Variants in BMPR2 observed in about 807,000 individuals in gnomAD.
BMPR2 encodes the protein bone morphogenetic protein receptor type-2.
A neutral mutation model predicts 100.8 loss-of-function variants in BMPR2; 29 were observed. The ratio of observed to expected loss-of-function variants is 0.29; its 90% CI spans 0.21 to 0.39. The LOEUF is 0.39. BMPR2 is among the 10% of genes least tolerant of loss of function. The pLI is 1.00. For missense variants in BMPR2, 1,011 were observed against 1,274.5 expected (o/e 0.79, Z 3.15); for synonymous variants, 382 against 442.3 (o/e 0.86, Z 1.71).
intron 3 of BMPR2, among the ~76,000 whole-genome samples, chr2:202,507,348 AT>A (rs1434187951): frequency 6.6e-6 from 1 of 152,184 alleles, no homozygotes; most frequent in African/African-American, 2.4e-5. Context: ...TGGGAATAAA[AT>A]TCTTTGCATC....
chr2:202,405,235 C>T (rs1181025011), intron 1 of BMPR2, among the ~76,000 whole-genome samples: 1 of 152,120 alleles, frequency 6.6e-6, no homozygotes, highest in East Asian at 1.9e-4. Context: ...AAGTCAGATA[C>T]AGTAATTAGA....
chr2:202,479,276 C>T (rs1387145418), intron 3 of BMPR2, among the ~76,000 whole-genome samples: 1 of 152,150 alleles, frequency 6.6e-6, no homozygotes, highest in Non-Finnish European at 1.5e-5. Flanking sequence ...CATAGTCCAA[C>T]AATTTGTGAA....
chr2:202,516,956 C>T (rs1285323438), intron 5 of BMPR2, among the ~76,000 whole-genome samples: 1 of 152,160 alleles, frequency 6.6e-6, no homozygotes, highest in African/African-American at 2.4e-5. Context: ...AAGCAATCCC[C>T]AGAAGCCAAA....
chr2:202,553,920 C>G (rs1158185301), intron 11 of BMPR2, among the ~76,000 whole-genome samples: 1 of 152,100 alleles, frequency 6.6e-6, no homozygotes, highest in African/African-American at 2.4e-5. Flanking sequence ...ACTCCCGACC[C>G]CTGGTGATCT....
intron 1 of BMPR2, among the ~76,000 whole-genome samples, chr2:202,456,951 C>T (rs1047536502): frequency 6.6e-6 from 1 of 152,090 alleles, no homozygotes; most frequent in Non-Finnish European, 1.5e-5. Context: ...ATAGTGTGAA[C>T]TCTCCTAATA....
intron 1 of BMPR2, among the ~76,000 whole-genome samples, chr2:202,418,143 T>C (rs1691177080): frequency 6.6e-6 from 1 of 152,232 alleles, no homozygotes; most frequent in Non-Finnish European, 1.5e-5. Context: ...ATTTGCTTTA[T>C]TGCAGTGTTC....
chr2:202,460,629 G>A (rs986878175), intron 1 of BMPR2, among the ~76,000 whole-genome samples: 2 of 152,050 alleles, frequency 1.3e-5, no homozygotes, highest in Admixed American at 1.3e-4. Context: ...TCTCACAGAA[G>A]CAGAGGAAAC....
intron 3 of BMPR2, among the ~76,000 whole-genome samples, chr2:202,478,509 A>T (rs1435831728): frequency 6.6e-6 from 1 of 152,196 alleles, no homozygotes; most frequent in Non-Finnish European, 1.5e-5. Flanking sequence ...AGTAGTCCCA[A>T]CTGTTTGGAA....
intron 3 of BMPR2, among the ~76,000 whole-genome samples, chr2:202,482,400 G>T (rs1448694916): frequency 6.6e-6 from 1 of 152,090 alleles, no homozygotes; most frequent in Non-Finnish European, 1.5e-5. Context: ...AAGAGACAGG[G>T]TCTTGCTTTG....
At chr2:202,384,118 G>A (rs576804074) in intron 1 of BMPR2, among the ~76,000 whole-genome samples, 1 of 152,276 alleles carries the variant, frequency 6.6e-6, no homozygotes, top group East Asian at 1.9e-4. Context: ...GTTGCAGTGA[G>A]CCAAGATTGT....
chr2:202,495,614 C>T lies in BMPR2; in HGVS notation c.419-18105C>T, dbSNP rs1693009467. Among the ~76,000 whole-genome samples, 1 of 152,118 alleles carries T rather than the reference C, an allele frequency of 6.6e-6. No homozygotes were observed. Among genetic ancestry groups the T allele is most frequent in the Non-Finnish European group, 1.5e-5 (1 of 68,030 alleles). Reference sequence around the variant, plus strand: ...GGACGGGAAAGCAGGAGTGCCTGTCCTCACCTAGGTCTGTTGGGGTGGAGC... The same window carrying T: ...GGACGGGAAAGCAGGAGTGCCTGTCTTCACCTAGGTCTGTTGGGGTGGAGC... On this transcript the variant is annotated intron_variant, in intron 3 of 12. Transcript: ENST00000374580. The surrounding 1 kb of genome is among the most constrained non-coding windows in gnomAD (Gnocchi z 4.5).
intron 1 of BMPR2, among the ~76,000 whole-genome samples, chr2:202,401,199 A>T (rs1031100345): frequency 2.0e-5 from 3 of 152,204 alleles, no homozygotes; most frequent in Non-Finnish European, 4.4e-5. Flanking sequence ...AGAACTGATG[A>T]AGATTGCCAA....
At chr2:202,557,369 C>G (rs1475378669) in intron 12 of BMPR2, among the ~76,000 whole-genome samples, 1 of 151,968 alleles carries the variant, frequency 6.6e-6, no homozygotes, top group Admixed American at 6.6e-5. Context: ...AAGGCTGAGG[C>G]AGAGAATTGC....
In BMPR2 at chr2:202,426,858, G is replaced by A. The variant is rs567198317; in HGVS notation, c.77-37951G>A. ...GACAGTGCCACTGCACACTAGCCTGGGTACCAAGTTAGACCCTGTCTCTTT... is the reference window on the plus strand; with the variant it reads ...GACAGTGCCACTGCACACTAGCCTGAGTACCAAGTTAGACCCTGTCTCTTT... On this transcript the variant is annotated intron_variant, in intron 1 of 12. Coordinates refer to ENST00000374580, the MANE Select transcript of BMPR2 (RefSeq NM_001204.7). 5.9e-5 allele frequency among the ~76,000 whole-genome samples: 9 copies of A among 152,236 alleles called. No homozygotes were observed. The South Asian group carries it at 1.9e-3, about 32-fold the overall frequency.
At chr2:202,477,243 C>G (rs1246616552) in intron 3 of BMPR2, among the ~76,000 whole-genome samples, 2 of 152,158 alleles carry the variant, frequency 1.3e-5, no homozygotes, top group Admixed American at 1.3e-4. Context: ...CAGTTACTTT[C>G]TTAGGAAATA....
intron 1 of BMPR2, among the ~76,000 whole-genome samples, chr2:202,429,388 C>T (rs1176460512): frequency 1.3e-5 from 2 of 152,126 alleles, no homozygotes; most frequent in African/African-American, 2.4e-5. Context: ...ATTCCAGTAA[C>T]ACTGAACTAT....
intron 1 of BMPR2, among the ~76,000 whole-genome samples, chr2:202,418,323 T>G (rs1691180301): frequency 6.6e-6 from 1 of 152,234 alleles, no homozygotes; most frequent in Non-Finnish European, 1.5e-5. Flanking sequence ...ATTAAAAATC[T>G]CTTTTTAGAT....
In BMPR2 at chr2:202,552,873, C is replaced by G; in HGVS notation, c.1571C>G (p.Ala524Gly). ...CCAACAGTCAATCCAATGTCTACTG[C>G]TATGCAGAATGAACGGTAAGACCCT... ...VSPTVNPMST[A>G]MQNERNLSHN... Residue 524 changes from alanine (A) to glycine (G), a missense_variant, in exon 11 of 13, where the codon GCT becomes GGT. Around this residue, in one of 6 missense-constraint regions of BMPR2, gnomAD observed 508 missense variants for 552.0 expected, o/e 0.92. Transcript: ENST00000374580. The G allele has an allele frequency of 6.2e-7, 1 of 1,614,136 alleles. No homozygotes were observed. The highest frequency in any genetic ancestry group is 8.5e-7 in the Non-Finnish European group (1 of 1,180,028).
rs537356759 is a variant in BMPR2, at chr2:202,437,486, T to A, written c.77-27323T>A. 3.3e-5 allele frequency among the ~76,000 whole-genome samples: 5 copies of A among 150,772 alleles called. No individual in the cohort carries two copies. In the East Asian group the frequency reaches 5.8e-4, roughly 17 times the overall value. On this transcript the variant is annotated intron_variant, in intron 1 of 12. Transcript: ENST00000374580. ...GGGATATAATCTACATAGCATATAATTCACCCATTAAAATGCAGAATTCAG... is the reference window on the plus strand; with the variant it reads ...GGGATATAATCTACATAGCATATAAATCACCCATTAAAATGCAGAATTCAG...
Sources: gnomAD v4.1 joint callset for allele counts (sites outside exome capture counted in the v4.1 genomes callset) on GRCh38, gnomAD v4.1.1 for gene constraint, gnomAD v4.1.1 regional missense constraint, Gnocchi (gnomAD v3.1) non-coding constraint, MANE v1.5 for transcripts, NCBI Gene and HGNC (gene_info 2026-07-23, HGNC 2026-07-21) for gene names.